Variants in NAV1 observed in about 807,000 individuals in gnomAD.
The protein encoded by NAV1 is neuron navigator 1, also known as pore membrane and/or filament interacting like protein 3.
Under a neutral mutation model 175.2 loss-of-function variants are expected in NAV1, and 18 were observed. That is an observed-to-expected ratio of 0.10 (90% CI 0.07 to 0.15). The LOEUF is 0.15. Ranked by LOEUF, NAV1 falls within the 10% of genes least tolerant of loss-of-function variation. The pLI is 1.00. For synonymous variants in NAV1, 897 were observed against 978.7 expected (o/e 0.92, Z 1.56); for missense variants, 1,731 against 2,436.6 (o/e 0.71, Z 6.10).
At chr1:201,642,537 C>CTTTCTTTCTT (rs1668812558) in intron 2 of NAV1, among the ~76,000 whole-genome samples, 1 of 105,622 alleles carries the variant, frequency 9.5e-6, no homozygotes, top group Non-Finnish European at 2.0e-5. Context: ...TTCTTTCTTT[C>CTTTCTTTCTT]TTTCTTTCTT....
chr1:201,648,251 C>T, exon 1 of NAV1: 2 of 1,029,306 alleles, frequency 1.9e-6, no homozygotes, highest in Non-Finnish European at 1.2e-6. Context: ...GCGGTGTCCA[C>T]GGGACTGACA....
intron 3 of NAV1, among the ~76,000 whole-genome samples, chr1:201,744,309 TATGTATG>T (rs1558119439): frequency 1.2e-4 from 16 of 132,334 alleles, no homozygotes; most frequent in African/African-American, 4.6e-4. Context: ...GCTATGTATG[TATGTATG>T]TATTTATTTA....
At chr1:201,691,622 C>T (rs1369717379) in intron 1 of NAV1, among the ~76,000 whole-genome samples, 2 of 152,208 alleles carry the variant, frequency 1.3e-5, no homozygotes, top group African/African-American at 2.4e-5. Context: ...TCTAGGGAAT[C>T]ACAGGCAGCC....
intron 15 of NAV1, among the ~76,000 whole-genome samples, chr1:201,800,011 A>T (rs1314612983): frequency 6.0e-5 from 9 of 150,484 alleles, no homozygotes; most frequent in African/African-American, 1.7e-4. Context: ...TTATTTATTT[A>T]TTTTTTGAGA....
intron 17 of NAV1, 82 bp downstream of exon 21, chr1:201,804,579 TAAAAAAAAA>T: frequency 2.8e-6 from 1 of 356,598 alleles, no homozygotes; most frequent in Non-Finnish European, 4.8e-6. Flanking sequence ...TCCCTTCCCC[TAAAAAAAAA>T]AAAAAAAAAA....
At chr1:201,593,148 A>T (rs1315811975) in intron 2 of NAV1, among the ~76,000 whole-genome samples, 5 of 152,116 alleles carry the variant, frequency 3.3e-5, no homozygotes, top group African/African-American at 4.8e-5. Context: ...TGAGGTTGGG[A>T]TGTGGGGTGG....
intron 2 of NAV1, among the ~76,000 whole-genome samples, chr1:201,634,717 C>CT (rs1177071043): frequency 1.3e-5 from 2 of 152,164 alleles, no homozygotes; most frequent in Admixed American, 1.3e-4. Flanking sequence ...GGATTTGACC[C>CT]AATGTTAGCC....
At chr1:201,747,007 AAT>A (rs1673812405) in intron 3 of NAV1, among the ~76,000 whole-genome samples, 1 of 151,974 alleles carries the variant, frequency 6.6e-6, no homozygotes, top group Non-Finnish European at 1.5e-5. Context: ...AAAAAAAAAA[AAT>A]GAAGAAATTT....
chr1:201,689,263 C>T (rs971263912), intron 1 of NAV1, among the ~76,000 whole-genome samples: 11 of 152,198 alleles, frequency 7.2e-5, no homozygotes, highest in African/African-American at 9.7e-5. Flanking sequence ...TTATAGGATA[C>T]GAATCCAATT....
At chr1:201,752,888 ATGAAGCTT>A (rs1674216624) in intron 3 of NAV1, among the ~76,000 whole-genome samples, 1 of 152,112 alleles carries the variant, frequency 6.6e-6, no homozygotes, top group African/African-American at 2.4e-5. Context: ...TTTTTCCCCC[ATGAAGCTT>A]TATTTTTGGT....
intron 1 of NAV1, among the ~76,000 whole-genome samples, chr1:201,699,214 C>A (rs975598062): frequency 1.3e-5 from 2 of 152,048 alleles, no homozygotes; most frequent in African/African-American, 4.8e-5. Context: ...CCAAAATCTC[C>A]TTAAGCTGAT....
At chr1:201,769,386 C>T (rs1017283931) in intron 3 of NAV1, among the ~76,000 whole-genome samples, 31 of 152,196 alleles carry the variant, frequency 2.0e-4, no homozygotes, top group Non-Finnish European at 1.2e-4. Context: ...ACCTAGGTCA[C>T]CATCCATCAA....
At chr1:201,567,376 G>C (rs1010983196) in intron 1 of NAV1, among the ~76,000 whole-genome samples, 1 of 152,228 alleles carries the variant, frequency 6.6e-6, no homozygotes, top group African/African-American at 2.4e-5. Flanking sequence ...CGGGGTTGGA[G>C]CCCGCGCTGT....
chr1:201,721,465 C>A (rs1046245201), intron 3 of NAV1, among the ~76,000 whole-genome samples: 1 of 152,250 alleles, frequency 6.6e-6, no homozygotes. Context: ...AACAGGGCAA[C>A]CTGGATTCCA....
intron 29 of NAV1, among the ~76,000 whole-genome samples, chr1:201,817,673 G>A (rs928642526): frequency 2.6e-5 from 4 of 152,082 alleles, no homozygotes; most frequent in African/African-American, 9.7e-5. Flanking sequence ...ATGTATTCTA[G>A]CAAAGACCCA....
intron 3 of NAV1, among the ~76,000 whole-genome samples, chr1:201,779,340 C>G (rs1277672858): frequency 6.6e-6 from 1 of 151,670 alleles, no homozygotes; most frequent in Non-Finnish European, 1.5e-5. Context: ...GCCTATAATC[C>G]CAGCACTTTG....
chr1:201,540,484 C>T (rs529003359), intron 1 of NAV1, among the ~76,000 whole-genome samples: 1 of 152,280 alleles, frequency 6.6e-6, no homozygotes, highest in African/African-American at 2.4e-5. Context: ...ACATGAAGTC[C>T]CCGGCAACTC....
At chr1:201,616,402 T>C (rs1245488486) in intron 2 of NAV1, among the ~76,000 whole-genome samples, 2 of 152,164 alleles carry the variant, frequency 1.3e-5, no homozygotes, top group Non-Finnish European at 2.9e-5. Context: ...CCAACCTGAC[T>C]GCTCTTCCTA....
At chr1:201,795,376 C>T (rs962521869) in intron 15 of NAV1, 4 of 152,198 alleles carry the variant, frequency 2.6e-5, no homozygotes, top group Non-Finnish European at 5.9e-5. Context: ...GGATTCATCC[C>T]TTCTGGCCAA....
Sources: allele counts gnomAD v4.1 joint callset (sites outside exome capture counted in the v4.1 genomes callset), GRCh38; gene constraint gnomAD v4.1.1; transcripts MANE v1.5; gene names NCBI Gene and HGNC (gene_info 2026-07-23, HGNC 2026-07-21).